Variants in DNAH8 observed in about 807,000 individuals in gnomAD.
DNAH8 encodes axonemal beta dynein heavy chain 8.
In DNAH8, 382 loss-of-function variants were observed where a neutral mutation model predicts 562.1. That is an observed-to-expected ratio of 0.68 (90% confidence interval 0.63 to 0.74). The LOEUF is 0.74. Among genes scored for constraint, DNAH8 ranks in the 30% least tolerant of loss-of-function variants. The probability of loss-of-function intolerance (pLI) is 0.00; values close to 1 mark genes in which losing one functional copy is unlikely to be tolerated. For synonymous variants in DNAH8, 1,881 were observed against 1,919.4 expected, an observed-to-expected ratio of 0.98 and a Z score of 0.52; for missense variants, 5,203 against 5,620.4, an observed-to-expected ratio of 0.93 and a Z score of 2.37.
intron 38 of DNAH8, among the ~76,000 whole-genome samples, chr6:38,851,250 G>C (rs572318770): frequency 6.6e-6 from 1 of 152,174 alleles, no homozygotes; most frequent in South Asian, 2.1e-4. Flanking sequence ...TGTTGGTTTG[G>C]AGATACGGTT....
chr6:38,890,132 T>G (rs1206618577), intron 57 of DNAH8, among the ~76,000 whole-genome samples: 1 of 152,204 alleles, frequency 6.6e-6, no homozygotes, highest in African/African-American at 2.4e-5. Flanking sequence ...GGTGACTGAC[T>G]GTAGGCTGGA....
At chr6:39,014,479 A>C (rs1328367387) in intron 91 of DNAH8, among the ~76,000 whole-genome samples, 1 of 152,038 alleles carries the variant, frequency 6.6e-6, no homozygotes, top group Non-Finnish European at 1.5e-5. Flanking sequence ...CAATGAAGAG[A>C]GATTTGAGAC....
chr6:39,011,083 C>T (rs903185214), intron 89 of DNAH8, among the ~76,000 whole-genome samples: 1 of 152,084 alleles, frequency 6.6e-6, no homozygotes, highest in African/African-American at 2.4e-5. Context: ...ATTCAGGCTG[C>T]CTATTTTATA....
chr6:38,828,302 T>A lies in DNAH8; in HGVS notation c.4188+14T>A. On this transcript the variant is annotated intron_variant, in intron 30 of 92. Coordinates refer to ENST00000327475, the MANE Select transcript of DNAH8 (RefSeq NM_001206927.2). ...CAGAGCAAAGCTGTAAGTATGAATT[T>A]AACTACATTATTTTTTCTTAAGTCA... The A allele has an allele frequency of 6.9e-7, 1 of 1,457,682 alleles. No homozygotes were observed. Among genetic ancestry groups the A allele is most frequent in the Non-Finnish European group, 9.3e-7 (1 of 1,070,358 alleles). The allele number at this position is 1,457,682 out of a possible 1,614,324, so 90.3% of individuals were successfully genotyped here. A position where few individuals can be genotyped will look rare whatever the true frequency, so the allele number is the denominator to read the frequency against.
At chr6:38,850,762 C>G (rs1775680839) in intron 38 of DNAH8, among the ~76,000 whole-genome samples, 1 of 152,168 alleles carries the variant, frequency 6.6e-6, no homozygotes, top group South Asian at 2.1e-4. Context: ...CTTTTGGCTT[C>G]TGGTGGCTCT....
At chr6:38,756,377 A>G (rs1300791792) in intron 10 of DNAH8, among the ~76,000 whole-genome samples, 1 of 152,170 alleles carries the variant, frequency 6.6e-6, no homozygotes, top group Non-Finnish European at 1.5e-5. Flanking sequence ...GAGTGTGTCT[A>G]CTATTAACAG....
chr6:39,006,514 C>T (rs1765807697), intron 88 of DNAH8, among the ~76,000 whole-genome samples: 1 of 152,174 alleles, frequency 6.6e-6, no homozygotes, highest in Non-Finnish European at 1.5e-5. Context: ...CTCACAGTTC[C>T]TTGTTTCCTT....
Position 38,915,353 on chromosome 6 carries a change from G to C in DNAH8, c.10116G>C (p.Leu3372=). The C allele has an allele frequency of 6.3e-7, 1 of 1,598,696 alleles. No homozygotes were observed. Among genetic ancestry groups the C allele is most frequent in the Non-Finnish European group, 8.5e-7 (1 of 1,174,780 alleles). ...AGCTTGAGGCAGCTAAACCTGCACT[G>C]GAAGAAGCAGAAGCAGCCCTGAATG... is the stretch of plus-strand genomic sequence containing the variant. ...ESKLEAAKPA[L]EEAEAALNTI... Residue 3372 remains leucine, a synonymous_variant, in exon 68 of 93, where the codon CTG becomes CTC. Transcript: ENST00000327475.
intron 82 of DNAH8, among the ~76,000 whole-genome samples, chr6:38,961,012 A>G (rs1452878683): frequency 6.6e-6 from 1 of 152,052 alleles, no homozygotes; most frequent in African/African-American, 2.4e-5. Context: ...ATAAAAAAAG[A>G]ATGGCATTAT....
intron 64 of DNAH8, among the ~76,000 whole-genome samples, chr6:38,908,877 G>C (rs1374879599): frequency 6.6e-6 from 1 of 152,116 alleles, no homozygotes; most frequent in Non-Finnish European, 1.5e-5. Context: ...GTGCTTAGTA[G>C]TCATGTGTGG....
intron 62 of DNAH8, among the ~76,000 whole-genome samples, chr6:38,900,868 C>T (rs1378525629): frequency 2.0e-5 from 3 of 152,154 alleles, no homozygotes; most frequent in Non-Finnish European, 4.4e-5. Flanking sequence ...CAACCCGCGT[C>T]GGCCTCCCAA....
chr6:38,822,950 C>G lies in DNAH8; in HGVS notation c.3636C>G (p.Ser1212=). Residue 1212 remains serine (S), a synonymous_variant, in exon 27 of 93, where the codon TCC becomes TCG. Transcript: ENST00000327475. ...LVLLLSSSVN[S]LRKAAHEALQ... is the part of the protein sequence containing the mutation. ...TGCTCCTTTCTTCCTCTGTAAATTCCCTAAGAAAGGCAGCTCATGAGGCCC... is the reference window on the plus strand; with the variant it reads ...TGCTCCTTTCTTCCTCTGTAAATTCGCTAAGAAAGGCAGCTCATGAGGCCC... The G allele has an allele frequency of 6.2e-7, 1 of 1,613,526 alleles. No individual in the cohort carries two copies. Among genetic ancestry groups the G allele is most frequent in the Non-Finnish European group, 8.5e-7 (1 of 1,179,790 alleles).
At chr6:38,755,487 C>G (rs1408677541) in intron 9 of DNAH8, among the ~76,000 whole-genome samples, 1 of 152,082 alleles carries the variant, frequency 6.6e-6, no homozygotes, top group African/African-American at 2.4e-5. Flanking sequence ...CCTAATGGCA[C>G]TTGGTAGGAT....
chr6:38,871,521 C>T (rs1777463963), intron 49 of DNAH8, among the ~76,000 whole-genome samples: 1 of 152,118 alleles, frequency 6.6e-6, no homozygotes, highest in Admixed American at 6.6e-5. Context: ...GGAACAGTGC[C>T]TCTGTTGCTT....
chr6:38,856,055 A>G (rs1776171360), intron 41 of DNAH8, among the ~76,000 whole-genome samples: 1 of 152,172 alleles, frequency 6.6e-6, no homozygotes, highest in Non-Finnish European at 1.5e-5. Context: ...ACTAACACTT[A>G]GTCCTCCTAC....
At chr6:38,982,589 G>C (rs1277723814) in intron 86 of DNAH8, 127 bp downstream of exon 86, 2 of 610,350 alleles carry the variant, frequency 3.3e-6, no homozygotes, top group Admixed American at 5.1e-5. Context: ...GAAGGGACTT[G>C]TTGCTGTAAT....
At chr6:38,757,680 T>A (rs962177657) in intron 10 of DNAH8, among the ~76,000 whole-genome samples, 1 of 152,254 alleles carries the variant, frequency 6.6e-6, no homozygotes, top group African/African-American at 2.4e-5. Flanking sequence ...CTTTAATCCA[T>A]CTTGAATTAA....
intron 79 of DNAH8, among the ~76,000 whole-genome samples, chr6:38,941,977 A>C (rs1783498586): frequency 6.6e-6 from 1 of 152,086 alleles, no homozygotes; most frequent in Non-Finnish European, 1.5e-5. Context: ...GCTCTCGTGA[A>C]TGGGGTTAGT....
chr6:38,860,699 T>A, intron 43 of DNAH8, 70 bp downstream of exon 43: 4 of 1,160,596 alleles, frequency 3.4e-6, no homozygotes, highest in Non-Finnish European at 4.7e-6. Flanking sequence ...ATAGTTGAAT[T>A]TGAAATATTA....
Sources: gnomAD v4.1 joint callset for allele counts (sites outside exome capture counted in the v4.1 genomes callset) on GRCh38, gnomAD v4.1.1 for gene constraint, MANE v1.5 for transcripts, NCBI Gene and HGNC (gene_info 2026-07-23, HGNC 2026-07-21) for gene names.